The following TIAM2 variants were observed in gnomAD, a reference collection of about 807,000 sequenced individuals.
The protein encoded by TIAM2 is TIAM Rac1 associated GEF 2.
In TIAM2, 80 loss-of-function variants were observed where a neutral mutation model predicts 152.9. The observed-to-expected ratio is 0.52, with a 90% CI of 0.44 to 0.63. The LOEUF (loss-of-function observed/expected upper bound fraction) is 0.63, where lower values mean the gene tolerates loss of function less well. TIAM2 is among the 30% of genes least tolerant of loss of function. The probability of loss-of-function intolerance (pLI) is 0.00; values close to 1 mark genes in which losing one functional copy is unlikely to be tolerated. For synonymous variants in TIAM2, 804 were observed against 838.0 expected, an observed-to-expected ratio of 0.96 and a Z score of 0.70; for missense variants, 1,965 against 2,120.1, an observed-to-expected ratio of 0.93 and a Z score of 1.44.
intron 1 of TIAM2, among the ~76,000 whole-genome samples, chr6:155,049,349 G>A (rs1477789262): frequency 3.9e-5 from 6 of 152,152 alleles, no homozygotes; most frequent in Non-Finnish European, 8.8e-5. Context: ...TGTTTTCACA[G>A]AAGGCTGGTT....
intron 15 of TIAM2, among the ~76,000 whole-genome samples, chr6:155,237,383 A>G (rs962004330): frequency 6.6e-6 from 1 of 152,120 alleles, no homozygotes; most frequent in African/African-American, 2.4e-5. Context: ...TTGAGTATCT[A>G]CAGCTTTGCC....
At chr6:155,009,790 C>T (rs966217209) in intron 1 of TIAM2, among the ~76,000 whole-genome samples, 5 of 152,078 alleles carry the variant, frequency 3.3e-5, no homozygotes, top group Non-Finnish European at 7.4e-5. Context: ...GTTGTGAATC[C>T]AGTGGAAGAG....
Position 155,164,464 on chromosome 6 carries a change from G to A in TIAM2, c.2078G>A (p.Arg693Lys), listed in dbSNP as rs1253813042. 1.2e-6 allele frequency: 2 copies of A among 1,614,054 alleles called. No homozygotes were observed. The highest frequency in any genetic ancestry group is 3.3e-5 in the Admixed American group (2 of 60,014). The change falls in exon 8 of 27, where the codon AGG becomes AAG. Residue 693 changes from arginine to lysine, a missense_variant. Physicochemically the swap from Arg to Lys is conservative, Grantham distance 26. Coordinates refer to ENST00000682666, the MANE Select transcript of TIAM2 (RefSeq NM_012454.4). ...NLEKFHMDLF[R>K]MRCYLASLQG... ...GAGAAATTTCACATGGATCTGTTCAGGATGCGCTGCTATCTGGCCAGCCTA... is the reference window on the plus strand; with the variant it reads ...GAGAAATTTCACATGGATCTGTTCAAGATGCGCTGCTATCTGGCCAGCCTA...
chr6:154,998,456 A>G (rs1213824861), intron 1 of TIAM2, among the ~76,000 whole-genome samples: 1 of 152,174 alleles, frequency 6.6e-6, no homozygotes, highest in African/African-American at 2.4e-5. Flanking sequence ...TGCAGTTTTC[A>G]TTGGGAAGGG....
At chr6:155,104,625 C>T (rs1007453154) in intron 2 of TIAM2, among the ~76,000 whole-genome samples, 5 of 152,000 alleles carry the variant, frequency 3.3e-5, no homozygotes, top group African/African-American at 7.2e-5. Flanking sequence ...GGCGTGGTGG[C>T]GGGCGCTTGT....
chr6:155,201,463 G>GT (rs1393833289), intron 14 of TIAM2, among the ~76,000 whole-genome samples: 1 of 152,144 alleles, frequency 6.6e-6, no homozygotes, highest in African/African-American at 2.4e-5. Flanking sequence ...GTGGGTGTCC[G>GT]TTTCCTTGCA....
rs1347209931 is a variant in TIAM2 at position 155,029,694 on chromosome 6, TAG to T, written c.-209+34206_-209+34207del. Among the ~76,000 whole-genome samples the T allele has an allele frequency of 2.2e-5, 3 of 138,266 alleles. No individual in the cohort carries two copies. In the East Asian group the frequency reaches 6.2e-4, roughly 28 times the overall value. The allele number at this position is 138,266 out of a possible 152,430, so 90.7% of individuals were successfully genotyped here. On this transcript the variant is annotated intron_variant, in intron 1 of 26. Transcript: ENST00000682666. ...ATATACAGAGTTATATAACTATATATAGAGATATATAACTATATACAGAGTTA... is the reference window on the plus strand; with the variant it reads ...ATATACAGAGTTATATAACTATATATAGATATATAACTATATACAGAGTTA...
intron 1 of TIAM2, among the ~76,000 whole-genome samples, chr6:155,088,550 A>C (rs1287990549): frequency 1.3e-5 from 2 of 152,208 alleles, no homozygotes; most frequent in East Asian, 3.8e-4. Context: ...AAACAGTTAG[A>C]ATAACCCTGT....
intron 15 of TIAM2, among the ~76,000 whole-genome samples, chr6:155,234,475 C>T (rs1283556147): frequency 6.6e-6 from 1 of 152,194 alleles, no homozygotes; most frequent in African/African-American, 2.4e-5. Context: ...CCTATGTTGT[C>T]CAGGATAGTC....
chr6:155,104,124 C>T (rs1778624164), intron 2 of TIAM2, among the ~76,000 whole-genome samples: 1 of 144,630 alleles, frequency 6.9e-6, no homozygotes, highest in African/African-American at 2.6e-5. Flanking sequence ...GTGACTTGGC[C>T]TCCGTGGCAA....
chr6:155,013,433 T>C (rs1778522181), intron 1 of TIAM2, among the ~76,000 whole-genome samples: 1 of 152,198 alleles, frequency 6.6e-6, no homozygotes, highest in Admixed American at 6.5e-5. Flanking sequence ...AAGGCATGGT[T>C]ACCAACATTT....
chr6:155,240,104 G>A lies in TIAM2; in HGVS notation c.3169-426G>A, dbSNP rs1243318152. ...TGAGTCTCTCCGGGCTGTTCTGTGT[G>A]GGAGATGGAAAACTGGATTAGGCCA... is the stretch of plus-strand genomic sequence containing the variant. On this transcript the variant is annotated intron_variant, in intron 15 of 26. Transcript: ENST00000682666. Among the ~76,000 whole-genome samples, 5 of 152,354 alleles carry A rather than the reference G, an allele frequency of 3.3e-5. No individual in the cohort carries two copies. The East Asian group carries it at 7.7e-4, about 23-fold the overall frequency.
intron 1 of TIAM2, among the ~76,000 whole-genome samples, chr6:155,072,732 T>C (rs1418080438): frequency 1.3e-5 from 2 of 151,978 alleles, no homozygotes; most frequent in Non-Finnish European, 2.9e-5. Context: ...AAGAGAATAT[T>C]GAAGACACAG....
chr6:155,098,223 T>C (rs1012519707), intron 2 of TIAM2, among the ~76,000 whole-genome samples: 10 of 152,136 alleles, frequency 6.6e-5, no homozygotes, highest in African/African-American at 1.9e-4. Context: ...ATGTCATTGG[T>C]ATTTTGATAG....
chr6:155,014,811 C>G (rs1190614048), intron 1 of TIAM2, among the ~76,000 whole-genome samples: 1 of 152,194 alleles, frequency 6.6e-6, no homozygotes, highest in Non-Finnish European at 1.5e-5. Flanking sequence ...CAGTAAGCAT[C>G]TGTTTACCTT....
At chr6:155,246,517 C>A (rs991077198) in intron 19 of TIAM2, among the ~76,000 whole-genome samples, 3 of 152,042 alleles carry the variant, frequency 2.0e-5, no homozygotes. Context: ...TAAAAATGTT[C>A]GTAGAAATGG....
intron 4 of TIAM2, among the ~76,000 whole-genome samples, chr6:155,135,497 A>C (rs750574096): frequency 1.1e-4 from 16 of 152,220 alleles, no homozygotes; most frequent in Non-Finnish European, 2.1e-4. Flanking sequence ...TAAATGTTGA[A>C]TGTCAGTGCC....
chr6:155,025,194 A>AT (rs781027891), intron 1 of TIAM2, among the ~76,000 whole-genome samples: 17,754 of 121,188 alleles, frequency 0.15, 1,605 homozygotes, highest in East Asian at 0.28. Context: ...TAATTTTTGT[A>AT]TTTTTTTTTT....
chr6:155,114,135 C>T (rs1778953850), intron 2 of TIAM2, among the ~76,000 whole-genome samples: 1 of 139,598 alleles, frequency 7.2e-6, no homozygotes, highest in Non-Finnish European at 1.5e-5. Context: ...CTCACTGCAA[C>T]CTCTGCCTCT....
Sources: allele counts gnomAD v4.1 joint callset (sites outside exome capture counted in the v4.1 genomes callset), GRCh38; gene constraint gnomAD v4.1.1; transcripts MANE v1.5; gene names NCBI Gene and HGNC (gene_info 2026-07-23, HGNC 2026-07-21).